DHRSX: variants seen among roughly 807,000 people sequenced by gnomAD.
DHRSX encodes the protein dehydrogenase/reductase X-linked.
In DHRSX, 31 loss-of-function variants were observed where a neutral mutation model predicts 34.0. The observed-to-expected ratio is 0.91, with a 90% CI of 0.69 to 1.23. The LOEUF is 1.23. Among genes scored for constraint, DHRSX ranks in the 50% most tolerant of loss-of-function variants. The pLI, the probability that DHRSX is intolerant of heterozygous loss-of-function variation, is 0.00. For synonymous variants in DHRSX, 201 were observed against 183.8 expected (o/e 1.09, Z -0.76); for missense variants, 414 against 428.1 (o/e 0.97, Z 0.29).
intron 1 of DHRSX, among the ~76,000 whole-genome samples, chrX:2,430,884 G>A (rs1211552768): frequency 4.6e-5 from 7 of 152,026 alleles, no homozygotes; most frequent in Non-Finnish European, 8.8e-5. Context: ...AATTAGCCAG[G>A]CATGGTGGCA....
At chrX:2,415,670 T>C (rs2043684209) in intron 2 of DHRSX, among the ~76,000 whole-genome samples, 1 of 150,382 alleles carries the variant, frequency 6.6e-6, no homozygotes, top group African/African-American at 2.5e-5. Context: ...AACCTCATCA[T>C]AATCTAACCC....
intron 1 of DHRSX, among the ~76,000 whole-genome samples, chrX:2,481,597 C>T (rs902855570): frequency 5.3e-5 from 8 of 150,462 alleles, no homozygotes; most frequent in African/African-American, 1.7e-4. Flanking sequence ...ACCCAGGAGG[C>T]GGAGGTTTCT....
chrX:2,239,791 A>T (rs986428661), intron 6 of DHRSX, among the ~76,000 whole-genome samples: 2 of 151,890 alleles, frequency 1.3e-5, no homozygotes, highest in Non-Finnish European at 2.9e-5. Context: ...TAAATTAAAT[A>T]AAATAAAAAA....
At chrX:2,485,260 C>A (rs2044859212) in intron 1 of DHRSX, among the ~76,000 whole-genome samples, 1 of 151,884 alleles carries the variant, frequency 6.6e-6, no homozygotes, top group South Asian at 2.1e-4. Context: ...TAAACATGTC[C>A]CACTTAAATG....
chrX:2,374,663 C>T (rs1242039052), intron 3 of DHRSX, among the ~76,000 whole-genome samples: 6 of 137,336 alleles, frequency 4.4e-5, no homozygotes, highest in African/African-American at 1.2e-4. Flanking sequence ...TGCTGGAACC[C>T]GGGAGGCGGA....
intron 5 of DHRSX, among the ~76,000 whole-genome samples, chrX:2,266,217 C>T (rs1476119717): frequency 7.1e-6 from 1 of 141,470 alleles, no homozygotes; most frequent in Non-Finnish European, 1.5e-5. Flanking sequence ...ACGCAGGGAG[C>T]ACTGTCCCCA....
intron 5 of DHRSX, among the ~76,000 whole-genome samples, chrX:2,251,512 C>T (rs1358399397): frequency 2.6e-5 from 4 of 152,102 alleles, no homozygotes; most frequent in South Asian, 2.1e-4. Flanking sequence ...GCTGGCCAAT[C>T]GGGACAAATA....
intron 2 of DHRSX, among the ~76,000 whole-genome samples, chrX:2,414,382 C>A (rs2043668483): frequency 6.6e-6 from 1 of 151,670 alleles, no homozygotes; most frequent in East Asian, 1.9e-4. Context: ...CCAAATAGAC[C>A]TCATCACAAC....
intron 1 of DHRSX, among the ~76,000 whole-genome samples, chrX:2,434,175 A>C (rs1449594614): frequency 6.6e-6 from 1 of 152,236 alleles, no homozygotes; most frequent in Non-Finnish European, 1.5e-5. Flanking sequence ...TAAGCATATG[A>C]AACAAAGTTC....
chrX:2,395,495 G>A (rs763134754), intron 3 of DHRSX, among the ~76,000 whole-genome samples: 48 of 152,238 alleles, frequency 3.2e-4, no homozygotes, highest in African/African-American at 1.1e-3. Context: ...GAGGCCGCAC[G>A]CAGAATTTCC....
chrX:2,232,227 C>G, intron 6 of DHRSX, among the ~76,000 whole-genome samples: 1 of 151,954 alleles, frequency 6.6e-6, no homozygotes, highest in East Asian at 1.9e-4. Context: ...AACCTTCACA[C>G]TACACCCTTC....
chrX:2,332,001 G>T (rs1198270259), intron 3 of DHRSX, among the ~76,000 whole-genome samples: 2 of 152,058 alleles, frequency 1.3e-5, no homozygotes, highest in Non-Finnish European at 2.9e-5. Flanking sequence ...TCAGATAATT[G>T]TTAGTATTGT....
intron 3 of DHRSX, among the ~76,000 whole-genome samples, chrX:2,395,641 G>A (rs2043400004): frequency 1.3e-5 from 2 of 152,166 alleles, no homozygotes; most frequent in Non-Finnish European, 1.5e-5. Flanking sequence ...CACCTCCAGC[G>A]GAACCCCCAG....
intron 3 of DHRSX, among the ~76,000 whole-genome samples, chrX:2,298,712 G>A (rs1173587547): frequency 8.7e-5 from 13 of 149,164 alleles, no homozygotes; most frequent in African/African-American, 2.6e-4. Flanking sequence ...CGGGCCGGGC[G>A]CGGCAGCTCA....
chrX:2,246,307 C>G (rs766481995), intron 5 of DHRSX, among the ~76,000 whole-genome samples: 1 of 152,196 alleles, frequency 6.6e-6, no homozygotes, highest in East Asian at 1.9e-4. Context: ...CTCTTACCAA[C>G]AAAAGCTGTT....
At chrX:2,272,038 G>C (rs760204230) in intron 4 of DHRSX, among the ~76,000 whole-genome samples, 6 of 151,348 alleles carry the variant, frequency 4.0e-5, no homozygotes, top group Admixed American at 3.9e-4. Context: ...GAGACAAAAC[G>C]AAACAAAAAA....
At chrX:2,266,679 G>A in intron 5 of DHRSX, 61 bp downstream of exon 5, 3 of 1,504,188 alleles carry the variant, frequency 2.0e-6, no homozygotes, top group Non-Finnish European at 2.8e-6. Flanking sequence ...CAGACAGAGG[G>A]AGATGAATAA....
At chrX:2,246,266 G>A (rs141368067) in intron 5 of DHRSX, among the ~76,000 whole-genome samples, 1,959 of 152,166 alleles carry the variant, frequency 0.013, 46 homozygotes, top group African/African-American at 0.046. Flanking sequence ...CATCATATGC[G>A]TTTCAGAAAA....
chrX:2,306,565 G>T (rs150738376), intron 3 of DHRSX, among the ~76,000 whole-genome samples: 1 of 151,548 alleles, frequency 6.6e-6, no homozygotes, highest in South Asian at 2.1e-4. Context: ...AGGTTCAAGC[G>T]ATTCAGCCTC....
Sources: allele counts gnomAD v4.1 joint callset (sites outside exome capture counted in the v4.1 genomes callset), GRCh38; gene constraint gnomAD v4.1.1; transcripts MANE v1.5; gene names NCBI Gene and HGNC (gene_info 2026-07-23, HGNC 2026-07-21).